SCPEP1: variants seen among roughly 807,000 people sequenced by gnomAD.
SCPEP1 encodes serine carboxypeptidase 1.
A neutral mutation model predicts 63.8 loss-of-function variants in SCPEP1; 51 were observed. The observed-to-expected ratio is 0.80, with a 90% CI of 0.64 to 1.01. The LOEUF (loss-of-function observed/expected upper bound fraction) is 1.01, where lower values mean the gene tolerates loss of function less well. SCPEP1 is among the 50% of genes least tolerant of loss of function. The pLI, the probability that SCPEP1 is intolerant of heterozygous loss-of-function variation, is 0.00. For synonymous variants in SCPEP1, 204 were observed against 207.8 expected, an observed-to-expected ratio of 0.98 and a Z score of 0.16; for missense variants, 499 against 554.9, an observed-to-expected ratio of 0.90 and a Z score of 1.01.
chr17:56,997,265 A>C (rs1225423291), intron 9 of SCPEP1: 4 of 404,116 alleles, frequency 9.9e-6, no homozygotes, highest in African/African-American at 2.0e-5. Flanking sequence ...AGGAGATCCC[A>C]CGTGTCTGCT....
rs747948583 is a variant in SCPEP1 at position 56,995,475 on chromosome 17, G to A, written c.658-32G>A. ...TACCAGATTGACGTTCCCAAGTAAA[G>A]TGGGTCTTTTTGCTCTTGGTTTGCA... On this transcript the variant is annotated intron_variant, in intron 7 of 12. Transcript: ENST00000262288. The A allele has an allele frequency of 2.2e-5, 36 of 1,603,326 alleles. No homozygotes were observed. The South Asian group carries it at 3.8e-4, about 17-fold the overall frequency.
Position 56,988,238 on chromosome 17 carries a change from C to A in SCPEP1, c.494C>A (p.Ser165Ter). The change falls in exon 5 of 13, where the codon TCA (serine) becomes TAA (stop). Residue 165 changes from serine (S) to a stop codon, truncating the protein, a stop_gained. Transcript: ENST00000262288. LOFTEE classifies it high-confidence loss of function. ...EFQTVPFYIF[S>*]ESYGGKMAAG... ...TAGACAGTTCCATTCTACATTTTCT[C>A]AGAGTCCTATGGAGGAAAAATGGCA... is the stretch of plus-strand genomic sequence containing the variant. 1 of 1,612,022 alleles carries A rather than the reference C, an allele frequency of 6.2e-7. No individual in the cohort carries two copies. Among genetic ancestry groups the A allele is most frequent in the South Asian group, 1.1e-5 (1 of 90,814 alleles).
intron 8 of SCPEP1, among the ~76,000 whole-genome samples, chr17:56,996,437 T>G (rs965488004): frequency 6.6e-6 from 1 of 152,130 alleles, no homozygotes; most frequent in African/African-American, 2.4e-5. Context: ...ACTCCTGACC[T>G]TAGGTGATCC....
At position 57,006,657 on chromosome 17, in the gene SCPEP1, A is replaced by AT. The variant is rs1911906790; in HGVS notation, c.*428dup. On this transcript the variant is annotated 3_prime_UTR_variant, in exon 13 of 13. Coordinates refer to ENST00000262288, the MANE Select transcript of SCPEP1 (RefSeq NM_021626.3). ...TTTTTTTTTCTATATATACATATAT[A>AT]TTTTTTACCAAAATGAATCATTACT... is the stretch of plus-strand genomic sequence containing the variant. 6.6e-6 allele frequency: 1 copy of AT among 152,238 alleles called. No individual in the cohort carries two copies. Among genetic ancestry groups the AT allele is most frequent in the Non-Finnish European group, 1.5e-5 (1 of 68,194 alleles). 9.4% of individuals were successfully genotyped at this position (152,238 alleles called of 1,614,324 possible).
intron 12 of SCPEP1, among the ~76,000 whole-genome samples, chr17:57,005,706 C>G (rs536037158): frequency 6.6e-6 from 1 of 152,286 alleles, no homozygotes; most frequent in African/African-American, 2.4e-5. Flanking sequence ...CTGCGAAAAT[C>G]GGATGCCACC....
intron 6 of SCPEP1, among the ~76,000 whole-genome samples, chr17:56,991,997 C>G (rs184300442): frequency 3.4e-4 from 52 of 152,222 alleles, no homozygotes; most frequent in Admixed American, 1.4e-3. Flanking sequence ...ACCAAACTAT[C>G]GAGTTAGAAA....
Position 56,995,606 on chromosome 17 carries a change from T to TG in SCPEP1, c.762dup (p.Lys255GlufsTer7). 6.2e-7 allele frequency: 1 copy of TG among 1,613,722 alleles called. No homozygotes were observed. ...GCTCTACAGAGAGGCCACAGAGCTG[T>TG]GGGGGAAAGCAGAAATGATCATTGA... On this transcript the variant is annotated frameshift_variant, in exon 8 of 13. Coordinates refer to ENST00000262288, the MANE Select transcript of SCPEP1 (RefSeq NM_021626.3). LOFTEE classifies it high-confidence loss of function.
At chr17:56,993,075 G>A (rs910416317) in intron 6 of SCPEP1, among the ~76,000 whole-genome samples, 1 of 152,168 alleles carries the variant, frequency 6.6e-6, no homozygotes, top group South Asian at 2.1e-4. Flanking sequence ...AGTAGATACT[G>A]TTCTAGGTGC....
chr17:56,987,811 TCTC>T lies in SCPEP1; in HGVS notation c.435_437del (p.Leu146del). On this transcript the variant is annotated inframe_deletion, in exon 4 of 13. Transcript: ENST00000262288. ...CTATGGTGGCTTCAGACATGATGGT[TCTC>T]CTGAAGACCTTCTTCAGTTGCCACA... 2 of 1,614,132 alleles carry T rather than the reference TCTC, an allele frequency of 1.2e-6. No homozygotes were observed. The highest frequency in any genetic ancestry group is 1.7e-6 in the Non-Finnish European group (2 of 1,180,018).
At chr17:56,986,546 TTC>T (rs1911225461) in intron 3 of SCPEP1, among the ~76,000 whole-genome samples, 1 of 147,294 alleles carries the variant, frequency 6.8e-6, no homozygotes. Flanking sequence ...GTTTTTTTTT[TTC>T]TGTTTTTTTG....
intron 12 of SCPEP1, among the ~76,000 whole-genome samples, chr17:57,003,247 G>A (rs1911793828): frequency 6.6e-6 from 1 of 152,094 alleles, no homozygotes; most frequent in Non-Finnish European, 1.5e-5. Flanking sequence ...GGCTGCAGAG[G>A]GGGAATTTTC....
intron 1 of SCPEP1, among the ~76,000 whole-genome samples, chr17:56,979,682 G>T (rs554593938): frequency 2.7e-4 from 41 of 152,010 alleles, no homozygotes; most frequent in Non-Finnish European, 4.4e-5. Flanking sequence ...GATATATATC[G>T]TTCAGTTTAA....
intron 8 of SCPEP1, among the ~76,000 whole-genome samples, chr17:56,996,364 C>A (rs900316546): frequency 1.7e-4 from 26 of 151,586 alleles, no homozygotes; most frequent in African/African-American, 6.1e-4. Flanking sequence ...ACCACCGCAC[C>A]CAGCTAATTT....
At chr17:56,996,059 AG>A (rs1035787751) in intron 8 of SCPEP1, among the ~76,000 whole-genome samples, 4 of 152,052 alleles carry the variant, frequency 2.6e-5, no homozygotes, top group Non-Finnish European at 5.9e-5. Flanking sequence ...ATTAACACCT[AG>A]GCCCTTGGTT....
intron 2 of SCPEP1, among the ~76,000 whole-genome samples, chr17:56,981,666 A>G (rs116164739): frequency 6.6e-6 from 1 of 152,226 alleles, no homozygotes; most frequent in African/African-American, 2.4e-5. Flanking sequence ...AATATTTAAT[A>G]CAAAAATTAT....
At chr17:57,000,121 G>T (rs1429426402) in intron 10 of SCPEP1, among the ~76,000 whole-genome samples, 1 of 152,112 alleles carries the variant, frequency 6.6e-6, no homozygotes, top group Admixed American at 6.5e-5. Context: ...CCGCTCTCCA[G>T]CCTGGGTGAC....
chr17:56,992,567 A>G (rs1015457461), intron 6 of SCPEP1, among the ~76,000 whole-genome samples: 9 of 152,190 alleles, frequency 5.9e-5, no homozygotes, highest in African/African-American at 2.2e-4. Flanking sequence ...ACTCAAAATT[A>G]TGATGCTGGC....
chr17:56,997,631 G>A (rs552780662), intron 9 of SCPEP1, among the ~76,000 whole-genome samples: 1 of 152,158 alleles, frequency 6.6e-6, no homozygotes, highest in South Asian at 2.1e-4. Flanking sequence ...TTAGGTTGGT[G>A]CAAAAGTAAC....
chr17:56,995,080 A>G, intron 7 of SCPEP1, 62 bp downstream of exon 7: 1 of 1,442,316 alleles, frequency 6.9e-7, no homozygotes, highest in South Asian at 1.2e-5. Context: ...TCTGGCTGTG[A>G]CCCCAGGAAA....
Sources: gnomAD v4.1 joint callset for allele counts (sites outside exome capture counted in the v4.1 genomes callset) on GRCh38, gnomAD v4.1.1 for gene constraint, MANE v1.5 for transcripts, NCBI Gene and HGNC (gene_info 2026-07-23, HGNC 2026-07-21) for gene names.